EIF2B1: variants seen among roughly 807,000 people sequenced by gnomAD.
The protein encoded by EIF2B1 is eukaryotic translation initiation factor 2B subunit alpha.
A neutral mutation model predicts 36.8 loss-of-function variants in EIF2B1; 30 were observed. That is an observed-to-expected ratio of 0.81 (90% CI 0.61 to 1.10). EIF2B1 has a LOEUF of 1.10. EIF2B1 is among the 50% of genes least tolerant of loss of function. The probability of loss-of-function intolerance (pLI) is 0.00; values close to 1 mark genes in which losing one functional copy is unlikely to be tolerated. For missense variants in EIF2B1, 271 were observed against 374.8 expected, an observed-to-expected ratio of 0.72 and a Z score of 2.29; for synonymous variants, 139 against 142.2, an observed-to-expected ratio of 0.98 and a Z score of 0.16.
rs1955178752 is a variant in EIF2B1, at chr12:123,630,371, T to C, written c.252+26A>G. The C allele has an allele frequency of 6.2e-7, 1 of 1,613,994 alleles. No homozygotes were observed. The highest frequency in any genetic ancestry group is 8.5e-7 in the Non-Finnish European group (1 of 1,180,022). On this transcript the variant is annotated intron_variant, in intron 3 of 8. Coordinates refer to ENST00000424014, the MANE Select transcript of EIF2B1 (RefSeq NM_001414.4). This position sits in a 1 kb window ranked among gnomAD's most constrained non-coding sequence, Gnocchi z 4.6. ...GTCACTAAACAGAGAAGTGGAAAGG[T>C]AACCCCAGGGAGAACAGGCACTTAC...
chr12:123,623,333 C>T (rs189765816), intron 7 of EIF2B1, among the ~76,000 whole-genome samples: 15 of 152,018 alleles, frequency 9.9e-5, no homozygotes, highest in Admixed American at 7.2e-4. Flanking sequence ...TTGCAGTGAG[C>T]CAAGACTGTG....
intron 4 of EIF2B1, among the ~76,000 whole-genome samples, chr12:123,628,984 G>A (rs778522931): frequency 6.6e-6 from 1 of 151,582 alleles, no homozygotes; most frequent in Non-Finnish European, 1.5e-5. Context: ...GCAGGTCTGT[G>A]GAAGGAGAAG....
chr12:123,626,498 AGAT>A lies in EIF2B1; in HGVS notation c.483-8_483-6del, dbSNP rs1173278411. On this transcript the variant is annotated splice_polypyrimidine_tract_variant and splice_region_variant and intron_variant, in intron 5 of 8. Transcript: ENST00000424014. ...AGGGCTTTGGCCATTTTCTTACTGA[AGAT>A]GACATTTTGAGAACGTTAGAGAAAG... is the stretch of plus-strand genomic sequence containing the variant. 6.2e-7 allele frequency: 1 copy of A among 1,614,006 alleles called. No homozygotes were observed. Among genetic ancestry groups the A allele is most frequent in the African/African-American group, 1.3e-5 (1 of 74,916 alleles).
At chr12:123,622,013 A>G in intron 8 of EIF2B1, 93 bp from the exon 9 acceptor site, 2 of 1,528,398 alleles carry the variant, frequency 1.3e-6, no homozygotes, top group East Asian at 4.7e-5. Flanking sequence ...CTACTTCCTG[A>G]GACTGCTCTC....
rs770625902 is a variant in EIF2B1, at chr12:123,630,312, G to C, written c.253-27C>G. 2.5e-6 allele frequency: 4 copies of C among 1,613,928 alleles called. No individual in the cohort carries two copies. Among genetic ancestry groups the C allele is most frequent in the Non-Finnish European group, 3.4e-6 (4 of 1,179,810 alleles). On this transcript the variant is annotated intron_variant, in intron 3 of 8. Coordinates refer to ENST00000424014, the MANE Select transcript of EIF2B1 (RefSeq NM_001414.4). This position sits in a 1 kb window ranked among gnomAD's most constrained non-coding sequence, Gnocchi z 4.6. ...TAGGAAGAAAAGAGCAAACTGAGGG[G>C]ACAGGGAAGATCCAGTTAATGCTGA...
chr12:123,626,065 G>A (rs972398733), intron 6 of EIF2B1: 5 of 269,310 alleles, frequency 1.9e-5, no homozygotes, highest in African/African-American at 1.1e-4. Context: ...CCTGGGAGGT[G>A]GAGATTGCAG....
intron 4 of EIF2B1, among the ~76,000 whole-genome samples, chr12:123,628,925 T>C (rs1310146050): frequency 6.6e-6 from 1 of 152,160 alleles, no homozygotes; most frequent in African/African-American, 2.4e-5. Context: ...AGTACATACA[T>C]ACCACACTAC....
chr12:123,630,676 A>G lies in EIF2B1; in HGVS notation c.116-143T>C, dbSNP rs1955180969. ...CTATTCTAGATGCTAGGGATACATC[A>G]GTGAACAAGACAGGTAGGGTTCTGC... On this transcript the variant is annotated intron_variant, in intron 2 of 8. Coordinates refer to ENST00000424014, the MANE Select transcript of EIF2B1 (RefSeq NM_001414.4). This position sits in a 1 kb window ranked among gnomAD's most constrained non-coding sequence, Gnocchi z 4.6. 4.2e-6 allele frequency: 5 copies of G among 1,178,764 alleles called. No individual in the cohort carries two copies. The highest frequency in any genetic ancestry group is 4.9e-5 in the East Asian group (2 of 40,502). 73.0% of individuals were successfully genotyped at this position (1,178,764 alleles called of 1,614,324 possible). A position where few individuals can be genotyped will look rare whatever the true frequency, so the allele number is the denominator to read the frequency against.
At chr12:123,631,008 T>C (rs1429420943) in intron 2 of EIF2B1, among the ~76,000 whole-genome samples, 1 of 152,208 alleles carries the variant, frequency 6.6e-6, no homozygotes, top group African/African-American at 2.4e-5. Flanking sequence ...CAAGATTTCA[T>C]GCTATACCCA....
intron 1 of EIF2B1, among the ~76,000 whole-genome samples, chr12:123,633,214 C>T (rs887553566): frequency 6.7e-6 from 1 of 149,038 alleles, no homozygotes; most frequent in African/African-American, 2.5e-5. Context: ...TATTAGTTTG[C>T]CCTTGTTTTT....
At chr12:123,622,401 T>C (rs1325826986) in intron 8 of EIF2B1, among the ~76,000 whole-genome samples, 1 of 152,198 alleles carries the variant, frequency 6.6e-6, no homozygotes, top group Admixed American at 6.5e-5. Context: ...AGCTGGGACT[T>C]ACCCACCAGC....
At chr12:123,631,846 T>C (rs1955191369) in intron 2 of EIF2B1, among the ~76,000 whole-genome samples, 1 of 150,148 alleles carries the variant, frequency 6.7e-6, no homozygotes, top group Non-Finnish European at 1.5e-5. Context: ...TGGTGGTGCA[T>C]GCCTGTAATC....
intron 5 of EIF2B1, 77 bp downstream of exon 5, chr12:123,626,967 G>A (rs1171998884): frequency 1.5e-6 from 2 of 1,331,088 alleles, no homozygotes; most frequent in Admixed American, 1.7e-5. Context: ...TTCTGGTTCT[G>A]ATCCTGTTGG....
In EIF2B1 at chr12:123,630,074, C is replaced by T; in HGVS notation, c.369+95G>A. 1.9e-6 allele frequency: 2 copies of T among 1,046,214 alleles called. No individual in the cohort carries two copies. The highest frequency in any genetic ancestry group is 1.5e-6 in the Non-Finnish European group (1 of 670,204). 64.8% of individuals were successfully genotyped at this position (1,046,214 alleles called of 1,614,324 possible). A position where few individuals can be genotyped will look rare whatever the true frequency, so the allele number is the denominator to read the frequency against. On this transcript the variant is annotated intron_variant, in intron 4 of 8. Transcript: ENST00000424014. The surrounding 1 kb of genome is among the most constrained non-coding windows in gnomAD (Gnocchi z 4.6). Reference sequence around the variant, plus strand: ...CAGGTTAAGTTACTTGTTCAAGTCTCCACAGCAAGTGAGTGGCAGAGCCCG... The same window carrying T: ...CAGGTTAAGTTACTTGTTCAAGTCTTCACAGCAAGTGAGTGGCAGAGCCCG...
At chr12:123,626,948 G>A in intron 5 of EIF2B1, 96 bp downstream of exon 5, 5 of 1,119,032 alleles carry the variant, frequency 4.5e-6, no homozygotes. Context: ...CTGGCAAGCT[G>A]GGGGCACATT....
At position 123,621,603 on chromosome 12, in the gene EIF2B1, G is replaced by C; in HGVS notation, c.*153C>G. On this transcript the variant is annotated 3_prime_UTR_variant, in exon 9 of 9. Transcript: ENST00000424014. ...TTTTAGATGGGACTGAAATGAGTAA[G>C]AAAGGTTCTCCAAGATGTATGATTT... 2.2e-6 allele frequency: 2 copies of C among 927,962 alleles called. No individual in the cohort carries two copies. Among genetic ancestry groups the C allele is most frequent in the Non-Finnish European group, 3.4e-6 (2 of 594,416 alleles). 57.5% of individuals were successfully genotyped at this position (927,962 alleles called of 1,614,324 possible).
chr12:123,626,366 T>C (rs1955148194), intron 6 of EIF2B1, 59 bp downstream of exon 6: 1 of 1,606,676 alleles, frequency 6.2e-7, no homozygotes, highest in South Asian at 1.1e-5. Flanking sequence ...TCTGAAAACT[T>C]GCTGTAAGCC....
At chr12:123,625,999 GGCATGCGCCGGTAATCCCA>G (rs778280220) in intron 6 of EIF2B1, 2 of 209,604 alleles carry the variant, frequency 9.5e-6, no homozygotes, top group Non-Finnish European at 2.0e-5. Flanking sequence ...GTGGCATGGT[GGCATGCGCCGGTAATCCCA>G]GCTACTTAGG....
At position 123,632,425 on chromosome 12, in the gene EIF2B1, G is replaced by C; in HGVS notation, c.35C>G (p.Ser12Cys). The C allele has an allele frequency of 6.2e-7, 1 of 1,613,208 alleles. No individual in the cohort carries two copies. Among genetic ancestry groups the C allele is most frequent in the South Asian group, 1.1e-5 (1 of 91,072 alleles). The change falls in exon 2 of 9, where the codon TCT (serine) becomes TGT (cysteine). Residue 12 changes from serine to cysteine, a missense_variant. By Grantham distance (112) the Ser-to-Cys change is moderately radical (BLOSUM62 -1). Transcript: ENST00000424014. ...CATGTCAGGATCTTCTTTCATCTGAGACTTAAAGTATTCAATTAACTCTGG... is the reference window on the plus strand; with the variant it reads ...CATGTCAGGATCTTCTTTCATCTGACACTTAAAGTATTCAATTAACTCTGG... ...DDKELIEYFK[S>C]QMKEDPDMAS...
Sources: allele counts gnomAD v4.1 joint callset (sites outside exome capture counted in the v4.1 genomes callset), GRCh38; gene constraint gnomAD v4.1.1; non-coding constraint Gnocchi (gnomAD v3.1); transcripts MANE v1.5; gene names NCBI Gene and HGNC (gene_info 2026-07-23, HGNC 2026-07-21).